The following SGCZ variants were observed in gnomAD, a reference collection of about 807,000 sequenced individuals.
The protein encoded by SGCZ is zeta-sarcoglycan.
In SGCZ, 40 loss-of-function variants were observed where a neutral mutation model predicts 41.3. The observed-to-expected ratio is 0.97, with a 90% confidence interval of 0.75 to 1.26. SGCZ has a LOEUF of 1.26. Among genes scored for constraint, SGCZ ranks in the 50% most tolerant of loss-of-function variants. The probability of loss-of-function intolerance (pLI) is 0.00; values close to 1 mark genes in which losing one functional copy is unlikely to be tolerated. For synonymous variants in SGCZ, 206 were observed against 137.5 expected, an observed-to-expected ratio of 1.50 and a Z score of -3.49; for missense variants, 552 against 369.8, an observed-to-expected ratio of 1.49 and a Z score of -4.04.
chr8:14,222,037 A>AC (rs1806213916), intron 4 of SGCZ, among the ~76,000 whole-genome samples: 1 of 152,020 alleles, frequency 6.6e-6, no homozygotes, highest in Admixed American at 6.6e-5. Context: ...CAACAGAAGT[A>AC]CCCCCAACAA....
intron 1 of SGCZ, among the ~76,000 whole-genome samples, chr8:14,790,804 G>C (rs1400642171): frequency 6.6e-6 from 1 of 152,152 alleles, no homozygotes; most frequent in Non-Finnish European, 1.5e-5. Flanking sequence ...GTCAAGGTGG[G>C]TGGATTACCT....
chr8:15,129,630 C>G (rs1347822138), intron 1 of SGCZ, among the ~76,000 whole-genome samples: 2 of 142,206 alleles, frequency 1.4e-5, no homozygotes, highest in African/African-American at 5.2e-5. Flanking sequence ...TGCATGGGAA[C>G]AGCATCATTG....
chr8:15,220,234 G>A (rs268342), intron 1 of SGCZ, among the ~76,000 whole-genome samples: 128,169 of 152,182 alleles, frequency 0.84, 54,615 homozygotes, highest in Non-Finnish European at 0.91. Flanking sequence ...TACTTCAAAA[G>A]TCAGTTTTGT....
At chr8:14,225,588 C>G (rs2059674) in intron 4 of SGCZ, among the ~76,000 whole-genome samples, 151,242 of 152,196 alleles carry the variant, frequency 0.99, 75,156 homozygotes, top group South Asian at 1. Context: ...AAGAAAAAGA[C>G]AGAAAAAGTC....
intron 2 of SGCZ, among the ~76,000 whole-genome samples, chr8:14,335,899 A>C (rs193180853): frequency 3.3e-5 from 5 of 151,980 alleles, no homozygotes; most frequent in African/African-American, 4.8e-5. Context: ...TTAATTCCAA[A>C]ATTTATTTTT....
chr8:14,653,668 C>T (rs1024627509), intron 1 of SGCZ, among the ~76,000 whole-genome samples: 3 of 152,094 alleles, frequency 2.0e-5, no homozygotes, highest in Non-Finnish European at 2.9e-5. Flanking sequence ...TTAGCAGCTT[C>T]GCTTTCTCAT....
intron 5 of SGCZ, among the ~76,000 whole-genome samples, chr8:14,138,234 T>C (rs1803261547): frequency 2.0e-5 from 3 of 152,056 alleles, no homozygotes; most frequent in South Asian, 2.1e-4. Flanking sequence ...ACATGCCAAA[T>C]TGTAAAGACC....
intron 3 of SGCZ, among the ~76,000 whole-genome samples, chr8:14,250,340 C>T (rs1251112767): frequency 6.6e-6 from 1 of 152,080 alleles, no homozygotes; most frequent in Non-Finnish European, 1.5e-5. Context: ...CCCTCCACAC[C>T]CCAATTTCCA....
intron 4 of SGCZ, among the ~76,000 whole-genome samples, chr8:14,223,437 T>C (rs1304444089): frequency 6.6e-6 from 1 of 152,192 alleles, no homozygotes; most frequent in African/African-American, 2.4e-5. Flanking sequence ...TATTTTTCAA[T>C]ATATATTTTC....
chr8:14,444,462 C>A (rs1800371049), intron 2 of SGCZ, among the ~76,000 whole-genome samples: 1 of 152,038 alleles, frequency 6.6e-6, no homozygotes, highest in Non-Finnish European at 1.5e-5. Flanking sequence ...CACATATACA[C>A]CATGGAATAC....
intron 7 of SGCZ, among the ~76,000 whole-genome samples, chr8:14,097,282 C>G (rs1390165246): frequency 6.6e-6 from 1 of 152,140 alleles, no homozygotes; most frequent in African/African-American, 2.4e-5. Context: ...CCCAGAGATT[C>G]TGGTATGTTG....
rs917070437 is a variant in SGCZ at position 14,369,935 on chromosome 8, G to A, written c.235-45731C>T. On this transcript the variant is annotated intron_variant, in intron 2 of 7. Transcript: ENST00000382080. ...ATTTCTATTTCTACAGGCTAATGAC[G>A]TCTATTAAATGGGTTAAAATCCATT... is the stretch of plus-strand genomic sequence containing the variant. Among the ~76,000 whole-genome samples, 14 of 151,998 alleles carry A rather than the reference G, an allele frequency of 9.2e-5. No homozygotes were observed. In the South Asian group the frequency reaches 1.5e-3, roughly 16 times the overall value.
chr8:14,317,176 T>C (rs1801748387), intron 3 of SGCZ, among the ~76,000 whole-genome samples: 1 of 152,096 alleles, frequency 6.6e-6, no homozygotes, highest in African/African-American at 2.4e-5. Context: ...TTTAGCGCAA[T>C]GTTTGGCTGG....
intron 2 of SGCZ, among the ~76,000 whole-genome samples, chr8:14,538,891 T>G (rs769599752): frequency 2.0e-5 from 3 of 151,896 alleles, no homozygotes; most frequent in Non-Finnish European, 2.9e-5. Context: ...GAAGGGTGGA[T>G]TTGAAGTAGG....
chr8:14,240,726 T>C (rs1798853018), intron 3 of SGCZ, among the ~76,000 whole-genome samples: 1 of 152,204 alleles, frequency 6.6e-6, no homozygotes, highest in Non-Finnish European at 1.5e-5. Context: ...ATTTGATGCC[T>C]GTAGGATCAT....
intron 1 of SGCZ, among the ~76,000 whole-genome samples, chr8:15,138,420 A>G (rs1808196627): frequency 6.6e-6 from 1 of 152,036 alleles, no homozygotes; most frequent in Admixed American, 6.5e-5. Context: ...ATGAGATTTT[A>G]AAGGGGCCAA....
intron 2 of SGCZ, among the ~76,000 whole-genome samples, chr8:14,478,773 T>C (rs1053875639): frequency 1.3e-5 from 2 of 152,224 alleles, no homozygotes; most frequent in African/African-American, 4.8e-5. Flanking sequence ...ATCACGCTTT[T>C]TCAGAGTAAC....
intron 4 of SGCZ, among the ~76,000 whole-genome samples, chr8:14,213,175 C>G (rs1042395139): frequency 2.0e-5 from 3 of 151,806 alleles, no homozygotes; most frequent in Non-Finnish European, 4.4e-5. Context: ...ATCTTTCCAA[C>G]TTGTGGTAAG....
intron 1 of SGCZ, among the ~76,000 whole-genome samples, chr8:15,109,751 T>C (rs923400502): frequency 2.0e-5 from 3 of 152,156 alleles, no homozygotes; most frequent in Non-Finnish European, 2.9e-5. Context: ...TAAGGCTACA[T>C]AGTTTTGTGA....
Sources: gnomAD v4.1 joint callset for allele counts (sites outside exome capture counted in the v4.1 genomes callset) on GRCh38, gnomAD v4.1.1 for gene constraint, MANE v1.5 for transcripts, NCBI Gene and HGNC (gene_info 2026-07-23, HGNC 2026-07-21) for gene names.